MAGEA8: variants seen among roughly 807,000 people sequenced by gnomAD.
MAGEA8 encodes the protein MAGE family member A8, also known as melanoma-associated antigen 8.
For synonymous variants in MAGEA8, 104 were observed against 102.6 expected, an observed-to-expected ratio of 1.01 and a Z score of -0.08; for missense variants, 229 against 251.1, an observed-to-expected ratio of 0.91 and a Z score of 0.59.
Position 149,884,513 on chromosome X carries a change from A to G in MAGEA8, c.241A>G (p.Ser81Gly). The G allele has an allele frequency of 1.7e-6, 2 of 1,211,226 alleles. No homozygotes were observed. The highest frequency in any genetic ancestry group is 1.1e-6 in the Non-Finnish European group (1 of 895,268). The part of the protein sequence containing the change: ...SLTVTDSTLW[S>G]QSDEGSSSNE... ...GACTGTCACCGACAGCACTCTGTGG[A>G]GCCAATCCGATGAGGGTTCCAGCAG... Residue 81 changes from serine to glycine, a missense_variant, in exon 3 of 3, where the codon AGC becomes GGC. By Grantham distance (56) the Ser-to-Gly change is moderately conservative. Transcript: ENST00000286482.
intron 1 of MAGEA8, among the ~76,000 whole-genome samples, chrX:149,882,799 C>A (rs782051590): frequency 4.5e-5 from 5 of 110,669 alleles, no homozygotes; most frequent in South Asian, 3.9e-4. Context: ...AGATGAATAA[C>A]CCCCTGAAGA....
chrX:149,883,992 A>G (rs1378330115), intron 1 of MAGEA8, 81 bp from the exon 2 acceptor site: 1 of 316,504 alleles, frequency 3.2e-6, no homozygotes, highest in Non-Finnish European at 5.5e-6. Context: ...TCCTGGCCCT[A>G]CCAGCCCTTT....
Position 149,884,634 on chromosome X carries a change from G to T in MAGEA8, c.362G>T (p.Arg121Leu), listed in dbSNP as rs35744768. ...GATGAGAAAGTGGCTGAGTTAGTTCGTTTCCTGCTCCGCAAATATCAAATT... is the reference window on the plus strand; with the variant it reads ...GATGAGAAAGTGGCTGAGTTAGTTCTTTTCCTGCTCCGCAAATATCAAATT... ...ALDEKVAELVRFLLRKYQIKE... is the reference protein window; with the variant it reads ...ALDEKVAELVLFLLRKYQIKE... Residue 121 changes from arginine to leucine, a missense_variant, in exon 3 of 3, where the codon CGT (arginine) becomes CTT (leucine). Physicochemically the swap from Arg to Leu is moderately radical, Grantham distance 102 (BLOSUM62 -2). Transcript: ENST00000286482. 4 of 1,209,556 alleles carry T rather than the reference G, an allele frequency of 3.3e-6. No homozygotes were observed. The African/African-American group carries it at 7.0e-5, about 21-fold the overall frequency.
intron 1 of MAGEA8, among the ~76,000 whole-genome samples, chrX:149,882,511 G>T (rs1376589772): frequency 1.8e-5 from 2 of 111,207 alleles, no homozygotes; most frequent in Non-Finnish European, 3.8e-5. Flanking sequence ...GTTCAACAGA[G>T]GGACGGGGTC....
At chrX:149,881,762 T>G (rs1307847755) in intron 1 of MAGEA8, among the ~76,000 whole-genome samples, 1 of 110,073 alleles carries the variant, frequency 9.1e-6, no homozygotes, top group Non-Finnish European at 1.9e-5. Context: ...GGGCCCAGGC[T>G]ATGCTGGGAG....
chrX:149,883,715 A>G (rs140964033), intron 1 of MAGEA8: 3,313 of 112,736 alleles, frequency 0.029, 119 homozygotes, highest in African/African-American at 0.1. Flanking sequence ...CCATCCACAC[A>G]AAATAGTGGG....
At chrX:149,882,400 G>A (rs1407337676) in intron 1 of MAGEA8, among the ~76,000 whole-genome samples, 2 of 111,680 alleles carry the variant, frequency 1.8e-5, no homozygotes, top group Admixed American at 9.4e-5. Flanking sequence ...CCCATGCAGG[G>A]TTGTCCATGT....
At position 149,885,387 on chromosome X, in the gene MAGEA8, G is replaced by A; in HGVS notation, c.*158G>A. The A allele has an allele frequency of 2.3e-6, 1 of 437,206 alleles. No individual in the cohort carries two copies. Among genetic ancestry groups the A allele is most frequent in the Non-Finnish European group, 4.0e-6 (1 of 250,564 alleles). The allele number at this position is 437,206 out of a possible 1,213,427, so 36.0% of individuals were successfully genotyped here. On this transcript the variant is annotated 3_prime_UTR_variant, in exon 3 of 3. Transcript: ENST00000286482. ...CAGTCACAGTTCTCAGTAGTGGGGA[G>A]CATGTTGGGTGTGAGGGAACACAGT...
intron 1 of MAGEA8, among the ~76,000 whole-genome samples, chrX:149,882,470 C>T (rs1449463667): frequency 1.8e-5 from 2 of 111,072 alleles, no homozygotes; most frequent in African/African-American, 3.3e-5. Context: ...GTCTGAAGGG[C>T]GTCCTCAGCT....
intron 1 of MAGEA8, among the ~76,000 whole-genome samples, chrX:149,881,673 T>A (rs868957986): frequency 1.5e-5 from 1 of 65,866 alleles, no homozygotes; most frequent in South Asian, 5.9e-4. Context: ...GCGGCCGGGC[T>A]CGCTGATTCT....
chrX:149,884,935 G>A lies in MAGEA8; in HGVS notation c.663G>A (p.Glu221=). Residue 221 remains glutamate (E), a synonymous_variant, in exon 3 of 3, where the codon GAG becomes GAA. Transcript: ENST00000286482. ...TAATGGAGGGCAGCCGCGCCCCGGA[G>A]GAGGCAATCTGGGAAGCGTTGAGTG... The part of the protein sequence containing the change: ...MILMEGSRAP[E]EAIWEALSVM... The A allele has an allele frequency of 1.7e-6, 2 of 1,209,412 alleles. No homozygotes were observed. Among genetic ancestry groups the A allele is most frequent in the Non-Finnish European group, 2.2e-6 (2 of 894,923 alleles).
In MAGEA8 at chrX:149,884,823, G is replaced by A; in HGVS notation, c.551G>A (p.Cys184Tyr). ...PAGHSYILVT[C>Y]LGLSYDGLLG... ...GGCCACTCCTACATCCTTGTCACCT[G>A]CCTGGGCCTCTCCTATGATGGCCTG... is the stretch of plus-strand genomic sequence containing the variant. The change falls in exon 3 of 3, where the codon TGC becomes TAC. Residue 184 changes from cysteine (C) to tyrosine (Y), a missense_variant. Cys to Tyr is a radical substitution (Grantham distance 194). Transcript: ENST00000286482. The A allele has an allele frequency of 8.3e-7, 1 of 1,211,310 alleles. No homozygotes were observed. Among genetic ancestry groups the A allele is most frequent in the Non-Finnish European group, 1.1e-6 (1 of 895,212 alleles).
Position 149,884,428 on chromosome X carries a change from G to A in MAGEA8, c.156G>A (p.Glu52=). ...CTCTGATCATGGGAACCCTTGAGGA[G>A]GTGACTGATTCTGGGTCACCAAGTC... ...SSTLIMGTLE[E]VTDSGSPSPP... is the part of the protein sequence containing the mutation. Residue 52 remains glutamate (E), a synonymous_variant, in exon 3 of 3, where the codon GAG becomes GAA. Coordinates refer to ENST00000286482, the MANE Select transcript of MAGEA8 (RefSeq NM_005364.5). The A allele has an allele frequency of 8.3e-7, 1 of 1,211,484 alleles. No homozygotes were observed. The highest frequency in any genetic ancestry group is 1.7e-5 in the African/African-American group (1 of 57,857).
Position 149,884,464 on chromosome X carries a change from T to C in MAGEA8, c.192T>C (p.Ser64=). ...TDSGSPSPPQ[S]PEGASSSLTV... ...CTGGGTCACCAAGTCCTCCCCAGAG[T>C]CCTGAGGGTGCCTCCTCTTCCCTGA... The change falls in exon 3 of 3, where the codon AGT becomes AGC. Residue 64 remains serine (S), a synonymous_variant. Transcript: ENST00000286482. The C allele has an allele frequency of 8.3e-7, 1 of 1,210,915 alleles. No individual in the cohort carries two copies. The highest frequency in any genetic ancestry group is 2.3e-4 in the Middle Eastern group (1 of 4,335).
At chrX:149,882,722 G>A (rs1296364738) in intron 1 of MAGEA8, among the ~76,000 whole-genome samples, 8 of 111,102 alleles carry the variant, frequency 7.2e-5, no homozygotes, top group African/African-American at 2.6e-4. Context: ...GGTCTTGGTG[G>A]TAAGGGGAGA....
intron 1 of MAGEA8, among the ~76,000 whole-genome samples, chrX:149,882,516 G>A (rs2090737424): frequency 1.8e-5 from 2 of 111,022 alleles, no homozygotes; most frequent in South Asian, 7.7e-4. Context: ...ACAGAGGGAC[G>A]GGGTCACAGG....
chrX:149,885,573 A>C lies in MAGEA8; in HGVS notation c.*344A>C. 1 of 305,376 alleles carries C rather than the reference A, an allele frequency of 3.3e-6. No individual in the cohort carries two copies. The highest frequency in any genetic ancestry group is 6.0e-6 in the Non-Finnish European group (1 of 168,013). The allele number at this position is 305,376 out of a possible 1,213,427, so 25.2% of individuals were successfully genotyped here. On this transcript the variant is annotated 3_prime_UTR_variant, in exon 3 of 3. Transcript: ENST00000286482. Reference sequence around the variant, plus strand: ...AGACTTACTGCTTTTTATATAGTTTAGGAGTAAGAGTCTTGCTTTTCATTT... The same window carrying C: ...AGACTTACTGCTTTTTATATAGTTTCGGAGTAAGAGTCTTGCTTTTCATTT...
At chrX:149,881,407 C>A (rs961732560) in intron 1 of MAGEA8, 122 bp downstream of exon 1, 3 of 111,913 alleles carry the variant, frequency 2.7e-5, no homozygotes, top group Non-Finnish European at 5.7e-5. Flanking sequence ...GCTGGGCCAC[C>A]CCTCGCCAGC....
Position 149,885,566 on chromosome X carries a change from A to G in MAGEA8, c.*337A>G. 3.2e-6 allele frequency: 1 copy of G among 312,256 alleles called. No homozygotes were observed. Among genetic ancestry groups the G allele is most frequent in the Admixed American group, 5.5e-5 (1 of 18,341 alleles). The allele number at this position is 312,256 out of a possible 1,213,427, so 25.7% of individuals were successfully genotyped here. A position where few individuals can be genotyped will look rare whatever the true frequency, so the allele number is the denominator to read the frequency against. ...AGTAGACAGACTTACTGCTTTTTAT[A>G]TAGTTTAGGAGTAAGAGTCTTGCTT... On this transcript the variant is annotated 3_prime_UTR_variant, in exon 3 of 3. Transcript: ENST00000286482.
Sources: gnomAD v4.1 joint callset for allele counts (sites outside exome capture counted in the v4.1 genomes callset) on GRCh38, gnomAD v4.1.1 for gene constraint, MANE v1.5 for transcripts, NCBI Gene and HGNC (gene_info 2026-07-23, HGNC 2026-07-21) for gene names.